The following STK3 variants were observed in gnomAD, a reference collection of about 807,000 sequenced individuals.
STK3 encodes the protein serine/threonine-protein kinase 3.
A neutral mutation model predicts 58.0 loss-of-function variants in STK3; 41 were observed. The observed-to-expected ratio is 0.71, with a 90% CI of 0.55 to 0.92. The LOEUF is 0.92. Among genes scored for constraint, STK3 ranks in the 40% least tolerant of loss-of-function variants. The probability of loss-of-function intolerance (pLI) is 0.00; values close to 1 mark genes in which losing one functional copy is unlikely to be tolerated. For missense variants in STK3, 479 were observed against 602.7 expected, an observed-to-expected ratio of 0.79 and a Z score of 2.15; for synonymous variants, 170 against 191.0, an observed-to-expected ratio of 0.89 and a Z score of 0.91.
At chr8:98,662,462 T>A (rs1358508850) in intron 6 of STK3, among the ~76,000 whole-genome samples, 1 of 152,182 alleles carries the variant, frequency 6.6e-6, no homozygotes, top group African/African-American at 2.4e-5. Context: ...ATGATCCATA[T>A]GTAGGCCTTG....
intron 1 of STK3, among the ~76,000 whole-genome samples, chr8:98,799,416 G>A (rs1833374960): frequency 6.6e-6 from 1 of 151,954 alleles, no homozygotes; most frequent in African/African-American, 2.4e-5. Context: ...GAGAAAAAGA[G>A]GGAGTCACAG....
chr8:98,671,573 GTTTTT>G (rs559574167), intron 6 of STK3, among the ~76,000 whole-genome samples: 1 of 150,688 alleles, frequency 6.6e-6, no homozygotes, highest in Non-Finnish European at 1.5e-5. Context: ...TTAGTTTGGG[GTTTTT>G]TTTTGTTTTT....
intron 4 of STK3, among the ~76,000 whole-genome samples, chr8:98,708,808 CT>C (rs1826161633): frequency 6.6e-6 from 1 of 151,912 alleles, no homozygotes; most frequent in Non-Finnish European, 1.5e-5. Flanking sequence ...GATATTTTAT[CT>C]TTGTTTTCTC....
At chr8:98,695,743 C>A (rs1381450780) in intron 6 of STK3, among the ~76,000 whole-genome samples, 1 of 151,944 alleles carries the variant, frequency 6.6e-6, no homozygotes, top group Non-Finnish European at 1.5e-5. Flanking sequence ...TGTTTTGGTA[C>A]CAGTACCATG....
chr8:98,427,986 G>A (rs766499929), intron 3 of STK3: 1 of 1,540,842 alleles, frequency 6.5e-7, no homozygotes, highest in Admixed American at 2.0e-5. Context: ...CAGCATGACC[G>A]GCCAGAGCCT....
At chr8:98,828,068 T>C (rs1357017466), upstream of STK3, among the ~76,000 whole-genome samples, 1 of 151,600 alleles carries the variant, frequency 6.6e-6, no homozygotes, top group African/African-American at 2.4e-5. Flanking sequence ...TCTGCCTCCC[T>C]GGTTCAAGAG....
Position 98,815,965 on chromosome 8 carries a change from TG to T in STK3, c.26+9549del, listed in dbSNP as rs370810722. 1.6e-4 allele frequency among the ~76,000 whole-genome samples: 25 copies of T among 152,306 alleles called. No individual in the cohort carries two copies. The East Asian group carries it at 4.6e-3, about 28-fold the overall frequency. On this transcript the variant is annotated intron_variant, in intron 1 of 10. Transcript: ENST00000419617. ...ACAATTAGACATTATGATATTCCCA[TG>T]GTCTTGCCAAACCCCATCTATATAT... is the stretch of plus-strand genomic sequence containing the variant.
intron 2 of STK3, chr8:98,434,346 AG>A (rs1818410281): frequency 6.6e-6 from 1 of 152,250 alleles, no homozygotes; most frequent in South Asian, 2.1e-4. Flanking sequence ...ATGGATATTC[AG>A]GGGGTATTTT....
intron 9 of STK3, among the ~76,000 whole-genome samples, chr8:98,532,134 A>G (rs1177846553): frequency 6.6e-6 from 1 of 152,206 alleles, no homozygotes; most frequent in African/African-American, 2.4e-5. Context: ...CAAGAGGCCT[A>G]GCTTTCACCC....
chr8:98,802,554 T>C (rs1564015948), intron 1 of STK3, among the ~76,000 whole-genome samples: 1 of 152,192 alleles, frequency 6.6e-6, no homozygotes, highest in Non-Finnish European at 1.5e-5. Context: ...TCAACTTTGC[T>C]AAACTATGTT....
rs375487172 is a variant in STK3 at position 98,523,705 on chromosome 8, G to A, written c.1317+3037C>T. On this transcript the variant is annotated intron_variant, in intron 10 of 10. Coordinates refer to ENST00000419617, the MANE Select transcript of STK3 (RefSeq NM_006281.4). ...GCCCATTTCTGAAATGGACTGTTTG[G>A]GTTTTTTTTTTGTTGCTGTTGAGTT... is the stretch of plus-strand genomic sequence containing the variant. Among the ~76,000 whole-genome samples, 11 of 151,876 alleles carry A rather than the reference G, an allele frequency of 7.2e-5. 2 individuals are homozygous for A. The highest frequency in any genetic ancestry group is 2.7e-4 in the African/African-American group (11 of 41,440).
intron 10 of STK3, among the ~76,000 whole-genome samples, chr8:98,475,369 G>A (rs1346860228): frequency 6.6e-6 from 1 of 152,156 alleles, no homozygotes; most frequent in Non-Finnish European, 1.5e-5. Context: ...TTATACAAGA[G>A]GCAGTGACAA....
chr8:98,885,482 C>T (rs540418947), intron 1 of STK3, among the ~76,000 whole-genome samples: 2 of 152,174 alleles, frequency 1.3e-5, no homozygotes, highest in South Asian at 4.1e-4. Context: ...TCTTGTTGCC[C>T]AGGCTGGAGT....
At chr8:98,587,077 T>G (rs1302478927) in intron 7 of STK3, among the ~76,000 whole-genome samples, 1 of 149,104 alleles carries the variant, frequency 6.7e-6, no homozygotes. Flanking sequence ...TTTTGAAGGG[T>G]TTTTTGTGTC....
the STK3 span, among the ~76,000 whole-genome samples, chr8:98,348,176 A>G: frequency 6.6e-6 from 1 of 152,246 alleles, no homozygotes; most frequent in South Asian, 2.1e-4. Flanking sequence ...TCTTTTCAAC[A>G]AATGATACTG....
At chr8:98,932,483 C>G (rs1462757818) in intron 1 of STK3, among the ~76,000 whole-genome samples, 2 of 152,068 alleles carry the variant, frequency 1.3e-5, no homozygotes, top group Admixed American at 6.6e-5. Context: ...GATAAACACT[C>G]GACTTTCAAA....
chr8:98,791,926 A>C (rs939154208), intron 1 of STK3, among the ~76,000 whole-genome samples: 1 of 152,216 alleles, frequency 6.6e-6, no homozygotes, highest in Non-Finnish European at 1.5e-5. Context: ...ATGACCAAGA[A>C]CCCAAAAGCA....
In STK3 at chr8:98,680,981, C is replaced by CTT. The variant is rs371666746; in HGVS notation, c.684+25484_684+25485dup. Among the ~76,000 whole-genome samples the CTT allele has an allele frequency of 1.2e-3, 152 of 124,722 alleles. 3 individuals are homozygous for CTT. The highest frequency in any genetic ancestry group is 4.0e-3 in the East Asian group (17 of 4,292). The allele number at this position is 124,722 out of a possible 152,430, so 81.8% of individuals were successfully genotyped here. ...TTCTATAGTTTCTAACCCCACCTTT[C>CTT]TTTTTTTTTTTTTTTTTTGGTGTTG... On this transcript the variant is annotated intron_variant, in intron 6 of 10. Transcript: ENST00000419617.
At chr8:98,623,557 G>A (rs1818489589) in intron 6 of STK3, among the ~76,000 whole-genome samples, 1 of 152,182 alleles carries the variant, frequency 6.6e-6, no homozygotes, top group Non-Finnish European at 1.5e-5. Context: ...GCCAAGGCAG[G>A]CAGATCACTG....
Sources: allele counts gnomAD v4.1 joint callset (sites outside exome capture counted in the v4.1 genomes callset), GRCh38; gene constraint gnomAD v4.1.1; transcripts MANE v1.5; gene names NCBI Gene and HGNC (gene_info 2026-07-23, HGNC 2026-07-21).